GULP1: variants seen among roughly 807,000 people sequenced by gnomAD.
GULP1 encodes PTB domain-containing engulfment adapter protein 1.
In GULP1, 19 loss-of-function variants were observed where a neutral mutation model predicts 40.9. The observed-to-expected ratio is 0.46, with a 90% CI of 0.32 to 0.68. GULP1 has a LOEUF of 0.68. GULP1 is among the 30% of genes least tolerant of loss of function. GULP1 has a pLI of 0.03. For missense variants in GULP1, 312 were observed against 362.2 expected (o/e 0.86, Z 1.12); for synonymous variants, 119 against 117.6 (o/e 1.01, Z -0.08).
intron 7 of GULP1, among the ~76,000 whole-genome samples, chr2:188,558,280 C>G (rs1352813723): frequency 1.3e-5 from 2 of 152,126 alleles, no homozygotes; most frequent in Non-Finnish European, 2.9e-5. Flanking sequence ...GCAGTTTCCC[C>G]CATACTATTC....
At chr2:188,296,594 G>C (rs1326484349) in intron 1 of GULP1, among the ~76,000 whole-genome samples, 1 of 151,894 alleles carries the variant, frequency 6.6e-6, no homozygotes, top group Non-Finnish European at 1.5e-5. Flanking sequence ...TTTTGAAAAG[G>C]CTGCCCTAAT....
chr2:188,527,143 A>G (rs528041716), intron 5 of GULP1, among the ~76,000 whole-genome samples: 1 of 150,770 alleles, frequency 6.6e-6, no homozygotes, highest in South Asian at 2.1e-4. Flanking sequence ...TAATTCTTCC[A>G]TTCTTTCTTC....
intron 5 of GULP1, among the ~76,000 whole-genome samples, chr2:188,524,948 A>G (rs1395848458): frequency 6.6e-6 from 1 of 151,946 alleles, no homozygotes; most frequent in Non-Finnish European, 1.5e-5. Flanking sequence ...TGATATTAAA[A>G]AAGAATTTAA....
At chr2:188,448,531 G>T (rs1459923591) in intron 2 of GULP1, among the ~76,000 whole-genome samples, 3 of 152,128 alleles carry the variant, frequency 2.0e-5, no homozygotes, top group Non-Finnish European at 1.5e-5. Flanking sequence ...GCTGGAGTCA[G>T]ATATTTAGTG....
intron 2 of GULP1, among the ~76,000 whole-genome samples, chr2:188,390,870 G>A (rs1279690061): frequency 6.6e-6 from 1 of 151,962 alleles, no homozygotes; most frequent in East Asian, 1.9e-4. Context: ...TTATTAAGTA[G>A]GGTGTCCTTT....
intron 2 of GULP1, among the ~76,000 whole-genome samples, chr2:188,408,281 C>T (rs969354719): frequency 3.3e-5 from 5 of 151,954 alleles, no homozygotes; most frequent in Non-Finnish European, 4.4e-5. Flanking sequence ...TCTAGAACTG[C>T]GAGTTAAATA....
intron 1 of GULP1, among the ~76,000 whole-genome samples, chr2:188,332,714 G>A (rs1251831951): frequency 3.3e-5 from 5 of 152,008 alleles, no homozygotes; most frequent in African/African-American, 9.7e-5. Flanking sequence ...GCAGATGTGG[G>A]ATGGGAGAGA....
At chr2:188,503,109 A>G (rs557303231) in intron 4 of GULP1, among the ~76,000 whole-genome samples, 1 of 152,038 alleles carries the variant, frequency 6.6e-6, no homozygotes, top group African/African-American at 2.4e-5. Flanking sequence ...TCTTTGAGGG[A>G]GTACAGTATT....
At chr2:188,430,830 C>G (rs1045278933) in intron 2 of GULP1, among the ~76,000 whole-genome samples, 1 of 152,178 alleles carries the variant, frequency 6.6e-6, no homozygotes, top group African/African-American at 2.4e-5. Context: ...ATGCTCTGAT[C>G]TTCCTTGTTG....
chr2:188,319,164 A>G (rs2039586894), intron 1 of GULP1, among the ~76,000 whole-genome samples: 1 of 152,202 alleles, frequency 6.6e-6, no homozygotes, highest in Admixed American at 6.5e-5. Context: ...ATTAAATGTT[A>G]ATAAGCTATA....
chr2:188,322,906 A>G (rs2040195698), intron 1 of GULP1, among the ~76,000 whole-genome samples: 3 of 152,142 alleles, frequency 2.0e-5, no homozygotes, highest in South Asian at 2.1e-4. Flanking sequence ...ATTCTGGCCA[A>G]AAGCCTTCAA....
intron 1 of GULP1, among the ~76,000 whole-genome samples, chr2:188,301,427 A>G (rs1443899434): frequency 6.6e-6 from 1 of 152,182 alleles, no homozygotes; most frequent in Admixed American, 6.5e-5. Flanking sequence ...TGTAAGAAGC[A>G]TGTTTTCACT....
chr2:188,430,427 TA>T (rs1211615804), intron 2 of GULP1, among the ~76,000 whole-genome samples: 2 of 152,174 alleles, frequency 1.3e-5, no homozygotes, highest in African/African-American at 4.8e-5. Context: ...ACCAGAAAGT[TA>T]AACTTGATGA....
In GULP1 at chr2:188,389,148, A is replaced by T. The variant is rs183053582; in HGVS notation, c.-45+5259A>T. ...GCACAGAAATGGGGAAAACAGAGTA[A>T]AAGCGGGTTTTGTTATTGTTGGTAA... is the stretch of plus-strand genomic sequence containing the variant. On this transcript the variant is annotated intron_variant, in intron 2 of 11. Transcript: ENST00000409830. 5.3e-5 allele frequency among the ~76,000 whole-genome samples: 8 copies of T among 152,270 alleles called. No homozygotes were observed. In the East Asian group the frequency reaches 1.5e-3, roughly 29 times the overall value.
intron 11 of GULP1, chr2:188,592,362 T>C (rs903066553): frequency 3.3e-5 from 5 of 152,024 alleles, no homozygotes; most frequent in African/African-American, 1.2e-4. Context: ...TCTTCAGATA[T>C]CCAAATAAAA....
chr2:188,348,409 A>G (rs1164515841), intron 1 of GULP1, among the ~76,000 whole-genome samples: 3 of 152,134 alleles, frequency 2.0e-5, no homozygotes, highest in Non-Finnish European at 4.4e-5. Context: ...CCATCCAGTA[A>G]TTGCTGGAGT....
intron 7 of GULP1, chr2:188,541,733 T>C (rs1376035036): frequency 1.6e-5 from 4 of 253,626 alleles, no homozygotes; most frequent in Non-Finnish European, 2.9e-5. Context: ...AAATAAATAT[T>C]CTTAACTCCA....
In GULP1 at chr2:188,522,783, C is replaced by A. The variant is rs748010283; in HGVS notation, c.118C>A (p.Pro40Thr). The change falls in exon 5 of 12, where the codon CCA becomes ACA. Residue 40 changes from proline (P) to threonine (T), a missense_variant. Transcript: ENST00000409830. Reference protein sequence around the residue: ...KFLGSTEVEQPKGTEVVRDAV... With the variant: ...KFLGSTEVEQTKGTEVVRDAV... ...TCTTGGCAGTACAGAAGTGGAACAG[C>A]CAAAAGGAACAGAAGTTGTGAGAGA... 6.2e-7 allele frequency: 1 copy of A among 1,611,696 alleles called. No homozygotes were observed. Among genetic ancestry groups the A allele is most frequent in the South Asian group, 1.1e-5 (1 of 91,030 alleles).
intron 9 of GULP1, chr2:188,582,310 G>C (rs1414152097): frequency 2.1e-6 from 1 of 467,774 alleles, no homozygotes; most frequent in Non-Finnish European, 4.4e-6. Context: ...TGCCCTCTTA[G>C]GATATTTCTT....
Sources: gnomAD v4.1 joint callset for allele counts (sites outside exome capture counted in the v4.1 genomes callset) on GRCh38, gnomAD v4.1.1 for gene constraint, MANE v1.5 for transcripts, NCBI Gene and HGNC (gene_info 2026-07-23, HGNC 2026-07-21) for gene names.